The following ASAP2 variants were observed in gnomAD, a reference collection of about 807,000 sequenced individuals.
The protein encoded by ASAP2 is ArfGAP with SH3 domain, ankyrin repeat and PH domain 2.
ASAP2 carries 45 observed loss-of-function variants against 131.4 expected under a neutral mutation model. The ratio of observed to expected loss-of-function variants is 0.34; its 90% CI spans 0.27 to 0.44. The LOEUF is 0.44. Among genes scored for constraint, ASAP2 ranks in the 20% least tolerant of loss-of-function variants. The probability of loss-of-function intolerance (pLI) is 1.00; values close to 1 mark genes in which losing one functional copy is unlikely to be tolerated. For missense variants in ASAP2, 1,011 were observed against 1,297.0 expected, an observed-to-expected ratio of 0.78 and a Z score of 3.39; for synonymous variants, 510 against 503.0, an observed-to-expected ratio of 1.01 and a Z score of -0.19.
intron 1 of ASAP2, among the ~76,000 whole-genome samples, chr2:9,212,198 G>A (rs1661609898): frequency 6.6e-6 from 1 of 152,172 alleles, no homozygotes; most frequent in Non-Finnish European, 1.5e-5. Flanking sequence ...AGAACACCAA[G>A]AAGAATATGT....
Position 9,387,070 on chromosome 2 carries a change from G to A in ASAP2, c.2131-1224G>A, listed in dbSNP as rs542493563. ...AATACAAAAAAATTAGCCGGGCTTG[G>A]TGGTGGGTGGGGGGGCGCCTGTAGT... On this transcript the variant is annotated intron_variant, in intron 21 of 27. Transcript: ENST00000281419. Among the ~76,000 whole-genome samples the A allele has an allele frequency of 2.6e-3, 352 of 136,182 alleles. 3 individuals are homozygous for A. Among genetic ancestry groups the A allele is most frequent in the Middle Eastern group, 0.011 (3 of 270 alleles). The allele number at this position is 136,182 out of a possible 152,430, so 89.3% of individuals were successfully genotyped here.
At position 9,392,059 on chromosome 2, in the gene ASAP2, T is replaced by A. The variant is rs1345481382; in HGVS notation, c.2518+863T>A. On this transcript the variant is annotated intron_variant, in intron 23 of 27. Transcript: ENST00000281419. The surrounding 1 kb of genome is among the most constrained non-coding windows in gnomAD (Gnocchi z 4.0). ...ATTTTTTGTAGAGACAGGGTTTTGC[T>A]ATGTTGCCCAGGCTCGAATTCCTGG... is the stretch of plus-strand genomic sequence containing the variant. Among the ~76,000 whole-genome samples the A allele has an allele frequency of 1.3e-5, 2 of 152,146 alleles. No homozygotes were observed. The highest frequency in any genetic ancestry group is 2.9e-5 in the Non-Finnish European group (2 of 68,024).
rs559833693 is a variant in ASAP2, at chr2:9,265,845, T to C, written c.127-13472T>C. On this transcript the variant is annotated intron_variant, in intron 1 of 27. Coordinates refer to ENST00000281419, the MANE Select transcript of ASAP2 (RefSeq NM_003887.3). ...TGGAGTGCAATGGCACGATCTTGAC[T>C]CACTGCAACCTCCACCTCCCCGGTT... Among the ~76,000 whole-genome samples the C allele has an allele frequency of 1.7e-4, 26 of 152,356 alleles. 1 individual carries two copies. In the South Asian group the frequency reaches 4.8e-3, roughly 28 times the overall value.
At chr2:9,349,952 A>G (rs1279236208) in intron 11 of ASAP2, among the ~76,000 whole-genome samples, 1 of 152,176 alleles carries the variant, frequency 6.6e-6, no homozygotes, top group Non-Finnish European at 1.5e-5. Flanking sequence ...GAAGTTTAAG[A>G]CATTCTTATT....
At chr2:9,237,463 A>T (rs543956741) in intron 1 of ASAP2, among the ~76,000 whole-genome samples, 9 of 137,468 alleles carry the variant, frequency 6.5e-5, no homozygotes, top group Non-Finnish European at 9.1e-5. Flanking sequence ...CCAGGCTGGG[A>T]TGCAGTGGCA....
At chr2:9,267,121 A>T (rs567173824) in intron 1 of ASAP2, among the ~76,000 whole-genome samples, 10 of 152,152 alleles carry the variant, frequency 6.6e-5, no homozygotes, top group East Asian at 3.9e-4. Flanking sequence ...AGCATTAAAA[A>T]TTTTTTCAAT....
chr2:9,278,714 A>T (rs543968588), intron 1 of ASAP2, among the ~76,000 whole-genome samples: 1 of 152,284 alleles, frequency 6.6e-6, no homozygotes, highest in South Asian at 2.1e-4. Context: ...AATATTATAT[A>T]TGAGAGTACC....
At chr2:9,387,227 A>AAAAAAAAAC (rs1675353459) in intron 21 of ASAP2, among the ~76,000 whole-genome samples, 1 of 150,706 alleles carries the variant, frequency 6.6e-6, no homozygotes, top group Middle Eastern at 3.4e-3. Context: ...AAAAAAAAAA[A>AAAAAAAAAC]CCATATAACC....
chr2:9,263,685 C>T (rs766873901), intron 1 of ASAP2, among the ~76,000 whole-genome samples: 11 of 152,190 alleles, frequency 7.2e-5, no homozygotes, highest in Non-Finnish European at 1.3e-4. Flanking sequence ...CAGGAGGCTG[C>T]AGCCTCTCGT....
intron 3 of ASAP2, among the ~76,000 whole-genome samples, chr2:9,317,452 A>ACACT (rs1553311400): frequency 0.29 from 43,929 of 150,654 alleles, 6,832 homozygotes; most frequent in Non-Finnish European, 0.35. Context: ...TCTCACACAC[A>ACACT]CATGTGCATT....
chr2:9,378,264 A>C (rs6431998), intron 18 of ASAP2, among the ~76,000 whole-genome samples: 19,597 of 152,158 alleles, frequency 0.13, 3,817 homozygotes, highest in African/African-American at 0.42. Context: ...GACAGTGGCC[A>C]TGTTTGCTAG....
intron 6 of ASAP2, among the ~76,000 whole-genome samples, chr2:9,327,518 T>G (rs1001582514): frequency 3.3e-5 from 5 of 152,164 alleles, no homozygotes; most frequent in African/African-American, 1.2e-4. Flanking sequence ...GAAATCCCAT[T>G]TATTTGAACC....
At chr2:9,225,167 C>T (rs750537263) in intron 1 of ASAP2, among the ~76,000 whole-genome samples, 2 of 152,222 alleles carry the variant, frequency 1.3e-5, no homozygotes, top group South Asian at 2.1e-4. Context: ...CAACAGAGAC[C>T]GTGTATATGC....
intron 3 of ASAP2, 68 bp from the exon 4 acceptor site, chr2:9,318,456 C>A: frequency 1.7e-6 from 2 of 1,169,024 alleles, no homozygotes; most frequent in African/African-American, 1.5e-5. Flanking sequence ...TCTCTAATGT[C>A]CTTGCTGTCC....
At chr2:9,262,001 A>T (rs1238392436) in intron 1 of ASAP2, among the ~76,000 whole-genome samples, 2 of 152,156 alleles carry the variant, frequency 1.3e-5, no homozygotes, top group Non-Finnish European at 2.9e-5. Flanking sequence ...ACCTGAGCAC[A>T]CCAGGAAAAG....
At chr2:9,366,115 T>G (rs1302137043) in intron 15 of ASAP2, among the ~76,000 whole-genome samples, 6 of 152,092 alleles carry the variant, frequency 3.9e-5, no homozygotes, top group Admixed American at 3.3e-4. Context: ...TGCTTTGCTT[T>G]TGTCGATGGG....
chr2:9,261,490 G>A (rs1665572500), intron 1 of ASAP2, among the ~76,000 whole-genome samples: 1 of 152,256 alleles, frequency 6.6e-6, no homozygotes, highest in Non-Finnish European at 1.5e-5. Context: ...GCTCTGTGGA[G>A]TGTAAATTGC....
intron 9 of ASAP2, among the ~76,000 whole-genome samples, chr2:9,343,161 C>A (rs1387318849): frequency 2.0e-5 from 3 of 152,194 alleles, no homozygotes; most frequent in African/African-American, 7.2e-5. Context: ...GAGTGGAAGG[C>A]AGGATTCCAT....
chr2:9,261,782 A>T (rs998517792), intron 1 of ASAP2, among the ~76,000 whole-genome samples: 4 of 152,076 alleles, frequency 2.6e-5, no homozygotes, highest in African/African-American at 9.7e-5. Context: ...CAGGTGGGAG[A>T]GGGGCAGACC....
Sources: gnomAD v4.1 joint callset for allele counts (sites outside exome capture counted in the v4.1 genomes callset) on GRCh38, gnomAD v4.1.1 for gene constraint, Gnocchi (gnomAD v3.1) non-coding constraint, MANE v1.5 for transcripts, NCBI Gene and HGNC (gene_info 2026-07-23, HGNC 2026-07-21) for gene names.